Variants in ADGRF5 observed in about 807,000 individuals in gnomAD.
ADGRF5 encodes adhesion G protein-coupled receptor F5.
ADGRF5 carries 75 observed loss-of-function variants against 132.3 expected under a neutral mutation model. That is an observed-to-expected ratio of 0.57 (90% CI 0.47 to 0.69). The LOEUF is 0.69. ADGRF5 is among the 30% of genes least tolerant of loss of function. ADGRF5 has a pLI of 0.00. For synonymous variants in ADGRF5, 629 were observed against 597.6 expected, an observed-to-expected ratio of 1.05 and a Z score of -0.77; for missense variants, 1,516 against 1,630.6, an observed-to-expected ratio of 0.93 and a Z score of 1.21.
chr6:46,940,105 A>C (rs1561837736), intron 1 of ADGRF5, among the ~76,000 whole-genome samples: 1 of 152,198 alleles, frequency 6.6e-6, no homozygotes. Flanking sequence ...TGCTAAACCA[A>C]CAATACTAAT....
chr6:46,908,009 C>G (rs914773316), intron 1 of ADGRF5: 2 of 152,116 alleles, frequency 1.3e-5, no homozygotes, highest in Non-Finnish European at 2.9e-5. Flanking sequence ...TTGCAGGGAG[C>G]GCCAGGTAAG....
At chr6:46,953,941 C>T (rs1778624405) in intron 1 of ADGRF5, among the ~76,000 whole-genome samples, 1 of 151,448 alleles carries the variant, frequency 6.6e-6, no homozygotes, top group Non-Finnish European at 1.5e-5. Context: ...CAAAATGAAA[C>T]AATAAAAACA....
chr6:46,930,931 G>A (rs1269019913), intron 1 of ADGRF5, among the ~76,000 whole-genome samples: 2 of 152,128 alleles, frequency 1.3e-5, no homozygotes, highest in Non-Finnish European at 2.9e-5. Flanking sequence ...GTGCACACCT[G>A]TAGTCCTAGC....
Position 46,856,761 on chromosome 6 carries a change from A to G in ADGRF5, c.3833T>C (p.Leu1278Pro). The G allele has an allele frequency of 6.3e-7, 1 of 1,589,480 alleles. No homozygotes were observed. The highest frequency in any genetic ancestry group is 8.6e-7 in the Non-Finnish European group (1 of 1,159,252). The change falls in exon 19 of 21, where the codon CTG becomes CCG. Residue 1278 changes from leucine to proline, a missense_variant. Physicochemically the swap from Leu to Pro is moderately conservative, Grantham distance 98 (BLOSUM62 -3). Around this residue, in one of 2 missense-constraint regions of ADGRF5, gnomAD observed 571 missense variants for 701.2 expected, o/e 0.81. Coordinates refer to ENST00000283296, the MANE Select transcript of ADGRF5 (RefSeq NM_001098518.2). Reference protein sequence around the residue: ...LWDLKVQEALLNKFSLSRWSS... With the variant: ...LWDLKVQEALPNKFSLSRWSS... ...CCATCTCGACAATGAAAACTTATTC[A>G]GCAAAGCTTCCTGTACCTGCATTGT... is the stretch of plus-strand genomic sequence containing the variant.
chr6:46,919,742 G>A (rs1467651439), intron 1 of ADGRF5, among the ~76,000 whole-genome samples: 2 of 152,206 alleles, frequency 1.3e-5, no homozygotes, highest in Non-Finnish European at 2.9e-5. Context: ...AAATTTTACA[G>A]AACGTCCAAA....
chr6:46,899,349 A>G (rs539766977), intron 3 of ADGRF5, among the ~76,000 whole-genome samples: 2 of 152,158 alleles, frequency 1.3e-5, no homozygotes, highest in Admixed American at 1.3e-4. Context: ...ATGGGGGCAA[A>G]TGACAGGATC....
At chr6:46,947,462 A>G (rs1778338185) in intron 1 of ADGRF5, among the ~76,000 whole-genome samples, 1 of 152,254 alleles carries the variant, frequency 6.6e-6, no homozygotes, top group African/African-American at 2.4e-5. Context: ...ATGCACACAT[A>G]TGTGCACATC....
intron 1 of ADGRF5, among the ~76,000 whole-genome samples, chr6:46,932,276 T>C (rs1002140355): frequency 6.6e-6 from 1 of 152,216 alleles, no homozygotes; most frequent in Admixed American, 6.5e-5. Flanking sequence ...GTGACTAATG[T>C]GGAGGTAAGG....
Position 46,865,060 on chromosome 6 carries a change from T to G in ADGRF5, c.1972A>C (p.Lys658Gln). The G allele has an allele frequency of 6.2e-7, 1 of 1,607,310 alleles. No homozygotes were observed. The highest frequency in any genetic ancestry group is 8.5e-7 in the Non-Finnish European group (1 of 1,176,080). ...ANNSVWSPSM[K>Q]LNLVPGENIT... The stretch of plus-strand genomic sequence containing the variant: ...TTCTTACCAGGAACCAGATTCAGCT[T>G]CATAGATGGGCTCCAGACTGAATTA... Residue 658 changes from lysine (K) to glutamine (Q), a missense_variant, in exon 14 of 21, where the codon AAG becomes CAG. Transcript: ENST00000283296.
intron 2 of ADGRF5, among the ~76,000 whole-genome samples, chr6:46,901,333 T>G (rs764846820): frequency 3.0e-4 from 45 of 152,230 alleles, no homozygotes; most frequent in Non-Finnish European, 5.9e-4. Context: ...CCTTTCACAC[T>G]CAATAGAAAA....
At chr6:46,949,940 A>G (rs949444319) in intron 1 of ADGRF5, among the ~76,000 whole-genome samples, 5 of 152,180 alleles carry the variant, frequency 3.3e-5, no homozygotes, top group Non-Finnish European at 5.9e-5. Context: ...CTCCATTGTT[A>G]CTAAGACCCT....
At chr6:46,953,884 A>T (rs1778622138) in intron 1 of ADGRF5, among the ~76,000 whole-genome samples, 1 of 151,968 alleles carries the variant, frequency 6.6e-6, no homozygotes, top group Admixed American at 6.6e-5. Context: ...ATATTCCATG[A>T]AGTCTGTATA....
intron 1 of ADGRF5, among the ~76,000 whole-genome samples, chr6:46,929,842 A>T (rs1439046119): frequency 6.6e-6 from 1 of 151,014 alleles, no homozygotes; most frequent in East Asian, 2.0e-4. Context: ...ATTTTTTGAG[A>T]TAGTGTTTCA....
chr6:46,898,199 GA>G (rs1296772642), intron 3 of ADGRF5, among the ~76,000 whole-genome samples: 2 of 152,210 alleles, frequency 1.3e-5, no homozygotes, highest in African/African-American at 4.8e-5. Flanking sequence ...GCCTGGCTCA[GA>G]AGTGCAGGAA....
At chr6:46,934,181 GTCTC>G (rs151319461) in intron 1 of ADGRF5, among the ~76,000 whole-genome samples, 1 of 151,092 alleles carries the variant, frequency 6.6e-6, no homozygotes, top group Non-Finnish European at 1.5e-5. Flanking sequence ...ATCCACTAAT[GTCTC>G]TCTCTCTCTC....
In ADGRF5 at chr6:46,937,253, A is replaced by T. The variant is rs9472914; in HGVS notation, c.-25+17481T>A. ...GTGTGTGTGTGTGTGTGTGTGTGTG[A>T]GTGTGTGTGTGTTGATGGGGTGGCA... On this transcript the variant is annotated intron_variant, in intron 1 of 20. Transcript: ENST00000265417. Among the ~76,000 whole-genome samples the T allele has an allele frequency of 0.017, 1,937 of 112,478 alleles. 68 individuals carry two copies. In the South Asian group the frequency reaches 0.17, roughly 10 times the overall value. The allele number at this position is 112,478 out of a possible 152,430, so 73.8% of individuals were successfully genotyped here. A position where few individuals can be genotyped will look rare whatever the true frequency, so the allele number is the denominator to read the frequency against.
intron 3 of ADGRF5, 109 bp downstream of exon 3, chr6:46,899,920 C>CTGATG: frequency 1.3e-6 from 1 of 788,754 alleles, no homozygotes; most frequent in South Asian, 1.4e-5. Context: ...CTATATGACC[C>CTGATG]TGATGTGATT....
At chr6:46,891,154 T>C (rs1229449243) in intron 3 of ADGRF5, among the ~76,000 whole-genome samples, 1 of 152,216 alleles carries the variant, frequency 6.6e-6, no homozygotes, top group East Asian at 1.9e-4. Flanking sequence ...TTTATAAAAA[T>C]GTATTTGACA....
intron 1 of ADGRF5, among the ~76,000 whole-genome samples, chr6:46,950,730 G>C (rs1778465813): frequency 6.6e-6 from 1 of 152,124 alleles, no homozygotes; most frequent in Non-Finnish European, 1.5e-5. Flanking sequence ...AGCCAGGAAG[G>C]TCTCGATCTC....
Sources: allele counts gnomAD v4.1 joint callset (sites outside exome capture counted in the v4.1 genomes callset), GRCh38; gene constraint gnomAD v4.1.1; regional missense constraint gnomAD v4.1.1; transcripts MANE v1.5; gene names NCBI Gene and HGNC (gene_info 2026-07-23, HGNC 2026-07-21).